Variants in BPTF observed in about 807,000 individuals in gnomAD.
The protein encoded by BPTF is bromodomain PHD finger transcription factor, also known as nucleosome-remodeling factor subunit BPTF.
In BPTF, 18 loss-of-function variants were observed where a neutral mutation model predicts 292.5. The observed-to-expected ratio is 0.06, with a 90% CI of 0.04 to 0.09. The LOEUF is 0.09. Ranked by LOEUF, BPTF falls within the 10% of genes least tolerant of loss-of-function variation. The pLI is 1.00. For missense variants in BPTF, 2,726 were observed against 3,498.7 expected (o/e 0.78, Z 5.57); for synonymous variants, 1,225 against 1,251.9 (o/e 0.98, Z 0.45).
At position 67,919,211 on chromosome 17, in the gene BPTF, AT is replaced by A. The variant is rs1346035648; in HGVS notation, c.5428+374del. ...AATAATAATAATAATAATAATAATA[AT>A]AATAATAAAATATAATGCTTGTTTT... On this transcript the variant is annotated intron_variant, in intron 12 of 27. Transcript: ENST00000306378. Among the ~76,000 whole-genome samples the A allele has an allele frequency of 7.8e-3, 1,094 of 139,422 alleles. 20 individuals carry two copies. Among genetic ancestry groups the A allele is most frequent in the African/African-American group, 0.029 (1,025 of 35,064 alleles). The allele number at this position is 139,422 out of a possible 152,430, so 91.5% of individuals were successfully genotyped here. A position where few individuals can be genotyped will look rare whatever the true frequency, so the allele number is the denominator to read the frequency against.
chr17:67,979,702 A>T (rs1473712456), intron 27 of BPTF, among the ~76,000 whole-genome samples: 1 of 152,200 alleles, frequency 6.6e-6, no homozygotes, highest in Non-Finnish European at 1.5e-5. Flanking sequence ...TCCTTGCCAT[A>T]GCAGGGCTTA....
chr17:67,872,253 AAGTC>A (rs1452795049), intron 3 of BPTF, among the ~76,000 whole-genome samples: 1 of 152,220 alleles, frequency 6.6e-6, no homozygotes, highest in Non-Finnish European at 1.5e-5. Context: ...TCTTTATAGA[AAGTC>A]AGAGAACTAT....
chr17:67,850,587 C>A (rs577519035), intron 1 of BPTF, among the ~76,000 whole-genome samples: 1 of 151,968 alleles, frequency 6.6e-6, no homozygotes, highest in Non-Finnish European at 1.5e-5. Context: ...CAGGCTAGTC[C>A]GGAACTCCTG....
At chr17:67,880,942 G>A (rs563591993) in intron 4 of BPTF, among the ~76,000 whole-genome samples, 2 of 127,992 alleles carry the variant, frequency 1.6e-5, no homozygotes, top group Admixed American at 8.4e-5. Flanking sequence ...GAGGGTGTAT[G>A]TATATTATAT....
At chr17:67,919,708 G>A (rs1300597789) in intron 12 of BPTF, among the ~76,000 whole-genome samples, 3 of 152,158 alleles carry the variant, frequency 2.0e-5, no homozygotes, top group African/African-American at 7.2e-5. Context: ...TTTAAACTAA[G>A]ACTTCTGGAG....
intron 1 of BPTF, among the ~76,000 whole-genome samples, chr17:67,852,861 T>A (rs970390398): frequency 6.6e-6 from 1 of 152,138 alleles, no homozygotes; most frequent in African/African-American, 2.4e-5. Flanking sequence ...ATGGGCCGGG[T>A]GCGGTGGCTC....
chr17:67,897,341 C>CAAAAAAAAAAAAAAAA (rs750678904), intron 7 of BPTF, among the ~76,000 whole-genome samples: 1 of 17,768 alleles, frequency 5.6e-5, no homozygotes, highest in African/African-American at 1.0e-4. Context: ...AACTCTGTCT[C>CAAAAAAAAAAAAAAAA]AAAAAAAAAA....
chr17:67,865,506 G>GTGTCT (rs2059344184), intron 2 of BPTF, among the ~76,000 whole-genome samples: 1 of 152,200 alleles, frequency 6.6e-6, no homozygotes, highest in Non-Finnish European at 1.5e-5. Flanking sequence ...CAGAGAGGCT[G>GTGTCT]TGTCTTGTCC....
rs764167122 is a variant in BPTF, at chr17:67,912,768, CACT to C, written c.4887_4889del (p.Thr1631del). 490 of 1,613,968 alleles carry C rather than the reference CACT, an allele frequency of 3.0e-4. No individual in the cohort carries two copies. The highest frequency in any genetic ancestry group is 3.8e-4 in the Non-Finnish European group (452 of 1,180,032). ...GTGCAAAATCCACTGTCACAACCAC[CACT>C]ACAACAGTGACCAAGCTTTCCACAC... On this transcript the variant is annotated inframe_deletion, in exon 11 of 28. Transcript: ENST00000306378.
intron 2 of BPTF, among the ~76,000 whole-genome samples, chr17:67,860,711 G>T (rs1237718242): frequency 6.6e-6 from 1 of 152,206 alleles, no homozygotes; most frequent in East Asian, 1.9e-4. Flanking sequence ...ATATAATTAC[G>T]TGAACACAGC....
Position 67,928,398 on chromosome 17 carries a change from C to T in BPTF, c.5795C>T (p.Thr1932Ile). The change falls in exon 16 of 28, where the codon ACT (threonine) becomes ATT (isoleucine). Residue 1932 changes from threonine (T) to isoleucine (I), a missense_variant. Around this residue, in one of 22 missense-constraint regions of BPTF, gnomAD observed 198 missense variants for 277.1 expected, o/e 0.71. Coordinates refer to ENST00000306378, the MANE Select transcript of BPTF (RefSeq NM_182641.4). ...QQKPTVIATS[T>I]TSPTSSTTST... ...AAGCCGACAGTGATTGCAACTTCCACTACTTCCCCAACAAGCAGTACAACC... is the reference window on the plus strand; with the variant it reads ...AAGCCGACAGTGATTGCAACTTCCATTACTTCCCCAACAAGCAGTACAACC... 5 of 1,613,878 alleles carry T rather than the reference C, an allele frequency of 3.1e-6. No homozygotes were observed. The highest frequency in any genetic ancestry group is 4.2e-6 in the Non-Finnish European group (5 of 1,179,888).
At chr17:67,950,886 T>C (rs1285498097) in intron 23 of BPTF, 1 of 151,636 alleles carries the variant, frequency 6.6e-6, no homozygotes, top group Non-Finnish European at 1.5e-5. Context: ...AAGATAAGCA[T>C]TGAACCTGCC....
intron 26 of BPTF, among the ~76,000 whole-genome samples, chr17:67,970,998 C>T (rs966316215): frequency 5.3e-5 from 8 of 152,198 alleles, no homozygotes; most frequent in African/African-American, 1.2e-4. Context: ...AGTGCAGTGG[C>T]GCCATCACCA....
In BPTF at chr17:67,932,138, A is replaced by G. The variant is rs2147555172; in HGVS notation, c.6259+119A>G. On this transcript the variant is annotated intron_variant, in intron 18 of 27. Transcript: ENST00000306378. ...AATTTTAATTAGTACTTCAAAGCATACTAAATTTCTAATCCATTGTGAGCT... is the reference window on the plus strand; with the variant it reads ...AATTTTAATTAGTACTTCAAAGCATGCTAAATTTCTAATCCATTGTGAGCT... 3.7e-6 allele frequency: 3 copies of G among 811,148 alleles called. No individual in the cohort carries two copies. The East Asian group carries it at 8.4e-5, about 23-fold the overall frequency. 50.2% of individuals were successfully genotyped at this position (811,148 alleles called of 1,614,324 possible).
intron 2 of BPTF, among the ~76,000 whole-genome samples, chr17:67,859,588 G>A (rs1296389596): frequency 1.3e-5 from 2 of 152,178 alleles, no homozygotes; most frequent in Admixed American, 1.3e-4. Context: ...TGTTTTATAA[G>A]AATATTTTCA....
Position 67,866,497 on chromosome 17 carries a change from A to G in BPTF, c.1470A>G (p.Lys490=), listed in dbSNP as rs776731152. 13 of 1,613,302 alleles carry G rather than the reference A, an allele frequency of 8.1e-6. 1 individual carries two copies. Among genetic ancestry groups the G allele is most frequent in the Non-Finnish European group, 2.5e-6 (3 of 1,179,362 alleles). Residue 490 remains lysine (K), a synonymous_variant, in exon 3 of 28, where the codon AAA becomes AAG. Coordinates refer to ENST00000306378, the MANE Select transcript of BPTF (RefSeq NM_182641.4). ...EEDTENENEK[K]IWYYSTKVQL... ...ATACAGAAAATGAAAATGAAAAGAA[A>G]ATTTGGTATTACAGCACAAAGGTCC...
chr17:67,966,548 A>G, intron 25 of BPTF, 24 bp from the exon 26 acceptor site: 1 of 1,600,110 alleles, frequency 6.2e-7, no homozygotes, highest in Non-Finnish European at 8.6e-7. Context: ...CACTGACAAT[A>G]ATGATGCTGC....
At chr17:67,888,607 A>T (rs2011132811) in intron 4 of BPTF, among the ~76,000 whole-genome samples, 2 of 151,924 alleles carry the variant, frequency 1.3e-5, no homozygotes, top group African/African-American at 4.8e-5. Flanking sequence ...AAAAAAAAAA[A>T]AAAAAATTAA....
At chr17:67,967,608 G>A (rs994923636) in intron 26 of BPTF, among the ~76,000 whole-genome samples, 1 of 151,966 alleles carries the variant, frequency 6.6e-6, no homozygotes. Context: ...ATCACCTGAG[G>A]TCAGGAGTTC....
Sources: gnomAD v4.1 joint callset for allele counts (sites outside exome capture counted in the v4.1 genomes callset) on GRCh38, gnomAD v4.1.1 for gene constraint, gnomAD v4.1.1 regional missense constraint, MANE v1.5 for transcripts, NCBI Gene and HGNC (gene_info 2026-07-23, HGNC 2026-07-21) for gene names.